The following KTN1 variants were observed in gnomAD, a reference collection of about 807,000 sequenced individuals.
The protein encoded by KTN1 is kinectin.
Under a neutral mutation model 222.5 loss-of-function variants are expected in KTN1, and 130 were observed. The observed-to-expected ratio is 0.58, with a 90% CI of 0.51 to 0.68. KTN1 has a LOEUF of 0.68. KTN1 is among the 30% of genes least tolerant of loss of function. The probability of loss-of-function intolerance (pLI) is 0.00; values close to 1 mark genes in which losing one functional copy is unlikely to be tolerated. For missense variants in KTN1, 1,508 were observed against 1,500.4 expected, an observed-to-expected ratio of 1.01 and a Z score of -0.08; for synonymous variants, 512 against 496.3, an observed-to-expected ratio of 1.03 and a Z score of -0.42.
At chr14:55,600,228 T>G (rs914080805) in intron 1 of KTN1, among the ~76,000 whole-genome samples, 1 of 151,868 alleles carries the variant, frequency 6.6e-6, no homozygotes, top group Non-Finnish European at 1.5e-5. Context: ...AAGAGTTATT[T>G]TATTAATATT....
Position 55,672,550 on chromosome 14 carries a change from AATTG to A in KTN1, c.3532-77_3532-74del, listed in dbSNP as rs2045540910. On this transcript the variant is annotated intron_variant, in intron 37 of 43. Coordinates refer to ENST00000395314, the MANE Select transcript of KTN1 (RefSeq NM_001079521.2). ...TTTCAAAACCTTGGAAGTGTCTTTT[AATTG>A]ATCAGAATTCTACAGGATAGAAACT... The A allele has an allele frequency of 4.8e-6, 4 of 825,168 alleles. No homozygotes were observed. The Admixed American group carries it at 7.1e-5, about 15-fold the overall frequency. 51.1% of individuals were successfully genotyped at this position (825,168 alleles called of 1,614,324 possible).
intron 18 of KTN1, among the ~76,000 whole-genome samples, chr14:55,645,548 A>G (rs2042203306): frequency 6.6e-6 from 1 of 152,206 alleles, no homozygotes; most frequent in African/African-American, 2.4e-5. Context: ...TTTTTGTGAG[A>G]TGGCATTCAT....
intron 23 of KTN1, 50 bp downstream of exon 23, chr14:55,650,468 G>C: frequency 6.6e-7 from 1 of 1,522,656 alleles, no homozygotes; most frequent in Non-Finnish European, 9.1e-7. Flanking sequence ...ATCAACTTTA[G>C]TTAATATCAT....
intron 18 of KTN1, chr14:55,644,149 C>T (rs2042063512): frequency 2.5e-6 from 1 of 399,684 alleles, no homozygotes; most frequent in Non-Finnish European, 4.5e-6. Context: ...AGAATCATTT[C>T]TGTGGCTTTT....
intron 1 of KTN1, among the ~76,000 whole-genome samples, chr14:55,600,820 A>G (rs1006802743): frequency 6.6e-6 from 1 of 152,200 alleles, no homozygotes; most frequent in African/African-American, 2.4e-5. Flanking sequence ...AGACTATTTT[A>G]AAAAGTTATT....
rs1032439800 is a variant in KTN1 at position 55,596,353 on chromosome 14, C to G, written c.-30-15666C>G. Among the ~76,000 whole-genome samples the G allele has an allele frequency of 3.3e-5, 5 of 152,016 alleles. No homozygotes were observed. In the South Asian group the frequency reaches 8.3e-4, roughly 25 times the overall value. Reference sequence around the variant, plus strand: ...TTTCCCCCTAACTCTTAGGCATTTTCTAATAGTGAGGAAAGCAGAAGCCTT... The same window carrying G: ...TTTCCCCCTAACTCTTAGGCATTTTGTAATAGTGAGGAAAGCAGAAGCCTT... On this transcript the variant is annotated intron_variant, in intron 1 of 43. Coordinates refer to ENST00000395314, the MANE Select transcript of KTN1 (RefSeq NM_001079521.2).
At chr14:55,600,120 C>T (rs1314297137) in intron 1 of KTN1, among the ~76,000 whole-genome samples, 3 of 149,458 alleles carry the variant, frequency 2.0e-5, no homozygotes, top group Non-Finnish European at 4.5e-5. Flanking sequence ...TATGTCTCTT[C>T]TGGGGATAAG....
intron 7 of KTN1, 44 bp downstream of exon 7, chr14:55,630,141 A>C (rs1163587534): frequency 1.3e-6 from 2 of 1,572,920 alleles, no homozygotes; most frequent in Non-Finnish European, 1.7e-6. Context: ...GGTTGCATTC[A>C]CTTTATTAGC....
intron 27 of KTN1, 124 bp from the exon 28 acceptor site, chr14:55,653,435 C>A (rs1263335757): frequency 2.9e-6 from 2 of 683,976 alleles, no homozygotes; most frequent in Non-Finnish European, 4.9e-6. Context: ...ATGACCCAAT[C>A]TTAAATTTAC....
intron 6 of KTN1, among the ~76,000 whole-genome samples, chr14:55,629,129 C>G (rs1841815466): frequency 6.6e-6 from 1 of 152,068 alleles, no homozygotes; most frequent in South Asian, 2.1e-4. Flanking sequence ...TAAGATTTGA[C>G]TTAGTGGCCG....
chr14:55,662,561 A>G (rs2044265131), intron 32 of KTN1, among the ~76,000 whole-genome samples: 1 of 152,204 alleles, frequency 6.6e-6, no homozygotes, highest in Non-Finnish European at 1.5e-5. Context: ...AGAGGGCAAC[A>G]CCTGTAAGTA....
Position 55,641,697 on chromosome 14 carries a change from A to C in KTN1, c.2109A>C (p.Leu703=), listed in dbSNP as rs769581249. Residue 703 remains leucine (L), a synonymous_variant, in exon 18 of 44, where the codon CTA becomes CTC. Transcript: ENST00000395314. ...ISNKMEEFKI[L]NDQNKALKSE... Reference sequence around the variant, plus strand: ...ATTGAGACTCTTTCTTCCAGATTCTAAATGACCAAAACAAAGCATTAAAAT... The same window carrying C: ...ATTGAGACTCTTTCTTCCAGATTCTCAATGACCAAAACAAAGCATTAAAAT... The C allele has an allele frequency of 6.3e-7, 1 of 1,589,450 alleles. No individual in the cohort carries two copies.
At chr14:55,643,020 G>A (rs981007226) in intron 18 of KTN1, among the ~76,000 whole-genome samples, 13 of 151,358 alleles carry the variant, frequency 8.6e-5, no homozygotes, top group East Asian at 1.9e-4. Flanking sequence ...AGCCATTCTC[G>A]TGCCTCAGTC....
In KTN1 at chr14:55,640,938, T is replaced by G. The variant is rs756752165; in HGVS notation, c.1989T>G (p.Ala663=). 5.0e-5 allele frequency: 81 copies of G among 1,612,104 alleles called. 1 individual carries two copies. In the South Asian group the frequency reaches 8.6e-4, roughly 17 times the overall value. The change falls in exon 16 of 44, where the codon GCT becomes GCG. Residue 663 remains alanine, a synonymous_variant. Coordinates refer to ENST00000395314, the MANE Select transcript of KTN1 (RefSeq NM_001079521.2). Reference sequence around the variant, plus strand: ...TCTTCTCATTCCACACACAGGCTGCTGCTGCACATGAATTGGAGAAGATGC... The same window carrying G: ...TCTTCTCATTCCACACACAGGCTGCGGCTGCACATGAATTGGAGAAGATGC... ...KLQALANEQA[A]AAHELEKMQQ...
Position 55,586,856 on chromosome 14 carries a change from A to G in KTN1, c.-31+6502A>G, listed in dbSNP as rs187061857. On this transcript the variant is annotated intron_variant, in intron 1 of 43. Coordinates refer to ENST00000395314, the MANE Select transcript of KTN1 (RefSeq NM_001079521.2). ...AATGTCGTCCTTTTGTTTCCAAGAA[A>G]CTTTTCTGTTTCATTTCCTGCATAT... is the stretch of plus-strand genomic sequence containing the variant. Among the ~76,000 whole-genome samples, 1,024 of 152,006 alleles carry G rather than the reference A, an allele frequency of 6.7e-3. 23 individuals carry two copies. The highest frequency in any genetic ancestry group is 6.5e-3 in the Non-Finnish European group (439 of 67,922).
intron 29 of KTN1, among the ~76,000 whole-genome samples, chr14:55,657,629 G>A (rs1373401373): frequency 1.3e-5 from 2 of 151,774 alleles, no homozygotes; most frequent in Non-Finnish European, 2.9e-5. Flanking sequence ...AAATGTATTC[G>A]GCTGGGTGTG....
At chr14:55,636,353 A>G in intron 9 of KTN1, 96 bp from the exon 10 acceptor site, 1 of 858,354 alleles carries the variant, frequency 1.2e-6, no homozygotes, top group Middle Eastern at 2.2e-4. Context: ...TTTATGATAC[A>G]ACAGTAAAGG....
chr14:55,650,445 T>G (rs371575987), intron 23 of KTN1, 27 bp downstream of exon 23: 14 of 1,569,918 alleles, frequency 8.9e-6, no homozygotes, highest in African/African-American at 1.4e-5. Context: ...AACTGTGTTT[T>G]ATGTTTTTGT....
At position 55,675,868 on chromosome 14, in the gene KTN1, C is replaced by G; in HGVS notation, c.3805C>G (p.Leu1269Val). The change falls in exon 41 of 44, where the codon CTT becomes GTT. Residue 1269 changes from leucine to valine, a missense_variant. Leu to Val is a conservative substitution (Grantham distance 32). Coordinates refer to ENST00000395314, the MANE Select transcript of KTN1 (RefSeq NM_001079521.2). ...ACAGTTAAATGAAACACTCACAAAA[C>G]TTAGAACTGAACAAAATGAAAGACA... ...KAQLNETLTKLRTEQNERQKV... is the reference protein window; with the variant it reads ...KAQLNETLTKVRTEQNERQKV... 3 of 1,613,186 alleles carry G rather than the reference C, an allele frequency of 1.9e-6. No homozygotes were observed. In the East Asian group the frequency reaches 6.7e-5, roughly 36 times the overall value.
Sources: allele counts gnomAD v4.1 joint callset (sites outside exome capture counted in the v4.1 genomes callset), GRCh38; gene constraint gnomAD v4.1.1; transcripts MANE v1.5; gene names NCBI Gene and HGNC (gene_info 2026-07-23, HGNC 2026-07-21).